The following DSCAM variants were observed in gnomAD, a reference collection of about 807,000 sequenced individuals.
DSCAM encodes the protein DS cell adhesion molecule, also known as cell adhesion molecule DSCAM.
In DSCAM, 47 loss-of-function variants were observed where a neutral mutation model predicts 217.7. The observed-to-expected ratio is 0.22, with a 90% CI of 0.17 to 0.28. DSCAM has a LOEUF of 0.28. Ranked by LOEUF, DSCAM falls within the 10% of genes least tolerant of loss-of-function variation. DSCAM has a pLI of 1.00. For missense variants in DSCAM, 2,080 were observed against 2,618.3 expected (o/e 0.79, Z 4.49); for synonymous variants, 1,056 against 1,015.3 (o/e 1.04, Z -0.76).
At chr21:40,743,971 G>C (rs2091149843) in intron 1 of DSCAM, among the ~76,000 whole-genome samples, 1 of 152,158 alleles carries the variant, frequency 6.6e-6, no homozygotes, top group Non-Finnish European at 1.5e-5. Flanking sequence ...ATACCACCAT[G>C]AATTCACCAG....
At chr21:40,322,858 GA>G (rs1386121656) in intron 8 of DSCAM, among the ~76,000 whole-genome samples, 4 of 152,106 alleles carry the variant, frequency 2.6e-5, no homozygotes, top group African/African-American at 9.7e-5. Flanking sequence ...ATGTGTTTAG[GA>G]AAAGGTGTTT....
intron 32 of DSCAM, among the ~76,000 whole-genome samples, chr21:40,020,344 ACTTC>A (rs1034041453): frequency 9.2e-5 from 14 of 152,126 alleles, no homozygotes; most frequent in South Asian, 2.1e-4. Context: ...ATGAAAACTA[ACTTC>A]CTTCCTTCCT....
rs1414236000 is a variant in DSCAM at position 40,044,168 on chromosome 21, T to G, written c.5293A>C (p.Thr1765Pro). ...PHPTISAHTL[T>P]TDWRLPTPRA... ...GGTGTTGGCAGCCTCCAGTCTGTGG[T>G]GAGGGTGTGTGCTGAGATGGTGGGG... Residue 1765 changes from threonine (T) to proline (P), a missense_variant, in exon 31 of 33, where the codon ACC (threonine) becomes CCC (proline). Around this residue, in one of 5 missense-constraint regions of DSCAM, gnomAD observed 1,144 missense variants for 1,421.1 expected, o/e 0.81. Transcript: ENST00000400454. The G allele has an allele frequency of 1.2e-6, 2 of 1,614,162 alleles. No homozygotes were observed. The highest frequency in any genetic ancestry group is 1.7e-6 in the Non-Finnish European group (2 of 1,180,014).
At chr21:40,812,816 G>A (rs547437623) in intron 1 of DSCAM, among the ~76,000 whole-genome samples, 1 of 152,272 alleles carries the variant, frequency 6.6e-6, no homozygotes, top group East Asian at 1.9e-4. Flanking sequence ...TTGATACAGA[G>A]ACTAGAAAAA....
chr21:40,498,595 T>C (rs1299101585), intron 3 of DSCAM, among the ~76,000 whole-genome samples: 3 of 146,480 alleles, frequency 2.0e-5, no homozygotes, highest in Non-Finnish European at 4.5e-5. Context: ...ATATACAGTA[T>C]GTGTATATAT....
At chr21:40,696,847 T>C (rs754327179) in intron 2 of DSCAM, among the ~76,000 whole-genome samples, 2 of 152,194 alleles carry the variant, frequency 1.3e-5, no homozygotes, top group African/African-American at 4.8e-5. Context: ...CTGTATAAAA[T>C]GTATAATCAT....
intron 27 of DSCAM, among the ~76,000 whole-genome samples, chr21:40,072,210 A>C (rs2146538622): frequency 6.6e-6 from 1 of 152,338 alleles, no homozygotes; most frequent in East Asian, 1.9e-4. Flanking sequence ...AAAAGGTTCC[A>C]TCTTGCACCT....
chr21:40,480,770 C>T (rs969963063), intron 3 of DSCAM, among the ~76,000 whole-genome samples: 1 of 152,140 alleles, frequency 6.6e-6, no homozygotes, highest in Non-Finnish European at 1.5e-5. Context: ...ATTAGGAAGG[C>T]CATTATCACT....
chr21:40,326,736 T>C lies in DSCAM; in HGVS notation c.1783+11365A>G, dbSNP rs563617268. Among the ~76,000 whole-genome samples, 15 of 152,044 alleles carry C rather than the reference T, an allele frequency of 9.9e-5. No individual in the cohort carries two copies. In the South Asian group the frequency reaches 3.1e-3, roughly 32 times the overall value. On this transcript the variant is annotated intron_variant, in intron 8 of 32. Transcript: ENST00000400454. ...GCTTAGTGAACCACTGCACAGATCG[T>C]GCAGGAAGAGTCTAGAAAAATGTGG... is the stretch of plus-strand genomic sequence containing the variant.
intron 5 of DSCAM, among the ~76,000 whole-genome samples, chr21:40,350,071 A>G (rs575947543): frequency 2.0e-5 from 3 of 152,144 alleles, no homozygotes; most frequent in African/African-American, 7.2e-5. Context: ...TATTTATTTC[A>G]CTTTAAGTTC....
Position 40,347,873 on chromosome 21 carries a change from C to G in DSCAM, c.1007G>C (p.Ser336Thr). Residue 336 changes from serine to threonine, a missense_variant, in exon 6 of 33, where the codon AGC (serine) becomes ACC (threonine). Physicochemically the swap from Ser to Thr is moderately conservative, Grantham distance 58. Transcript: ENST00000400454. ...SVGSQVSLSC[S>T]VTGTEDQELS... is the part of the protein sequence containing the mutation. ...TTCCTGGTCCTCAGTTCCTGTCACG[C>G]TGCAGGACAAGGAAACTTGGCTACC... The G allele has an allele frequency of 1.2e-6, 2 of 1,614,080 alleles. No individual in the cohort carries two copies. Among genetic ancestry groups the G allele is most frequent in the Non-Finnish European group, 1.7e-6 (2 of 1,179,978 alleles).
At chr21:40,791,879 T>C (rs908036072) in intron 1 of DSCAM, among the ~76,000 whole-genome samples, 15 of 152,088 alleles carry the variant, frequency 9.9e-5, no homozygotes, top group African/African-American at 3.6e-4. Flanking sequence ...GTAGATTGAC[T>C]TGGGGAGTGC....
chr21:40,801,954 C>T (rs1159726475), intron 1 of DSCAM, among the ~76,000 whole-genome samples: 1 of 152,142 alleles, frequency 6.6e-6, no homozygotes, highest in African/African-American at 2.4e-5. Context: ...GTCAGAGCTG[C>T]TGCAGAGTCC....
intron 23 of DSCAM, 94 bp from the exon 24 acceptor site, chr21:40,084,100 T>C (rs1179610743): frequency 2.1e-6 from 2 of 941,864 alleles, no homozygotes; most frequent in East Asian, 5.5e-5. Context: ...TTAACAGCCA[T>C]TTATTAAATA....
At chr21:40,385,593 T>C (rs1300220432) in intron 3 of DSCAM, among the ~76,000 whole-genome samples, 1 of 152,126 alleles carries the variant, frequency 6.6e-6, no homozygotes, top group Admixed American at 6.5e-5. Flanking sequence ...ATTTGTGTTT[T>C]TGGTTTTGTG....
intron 11 of DSCAM, among the ~76,000 whole-genome samples, chr21:40,234,427 T>C (rs2091408193): frequency 6.6e-6 from 1 of 152,200 alleles, no homozygotes; most frequent in Admixed American, 6.5e-5. Context: ...AGCAAAGCAG[T>C]TCCCACTGGG....
intron 2 of DSCAM, among the ~76,000 whole-genome samples, chr21:40,702,057 T>C (rs533220323): frequency 6.6e-6 from 1 of 152,342 alleles, no homozygotes; most frequent in South Asian, 2.1e-4. Context: ...TTTTGATATG[T>C]CTGATTCTCA....
At chr21:40,380,988 G>A (rs1299699436) in intron 3 of DSCAM, among the ~76,000 whole-genome samples, 4 of 150,612 alleles carry the variant, frequency 2.7e-5, no homozygotes, top group African/African-American at 7.3e-5. Context: ...GCGGGAACCC[G>A]GGAGGCGGAG....
At chr21:40,277,973 T>C (rs1333325937) in intron 10 of DSCAM, among the ~76,000 whole-genome samples, 2 of 151,764 alleles carry the variant, frequency 1.3e-5, no homozygotes, top group Non-Finnish European at 2.9e-5. Context: ...ATTTTCTACA[T>C]AGATAATTGA....
Sources: gnomAD v4.1 joint callset for allele counts (sites outside exome capture counted in the v4.1 genomes callset) on GRCh38, gnomAD v4.1.1 for gene constraint, gnomAD v4.1.1 regional missense constraint, MANE v1.5 for transcripts, NCBI Gene and HGNC (gene_info 2026-07-23, HGNC 2026-07-21) for gene names.